Variants in MCTP2 observed in about 807,000 individuals in gnomAD.
MCTP2 encodes multiple C2 and transmembrane domain containing 2, also known as multiple C2 and transmembrane domain-containing protein 2.
A neutral mutation model predicts 111.6 loss-of-function variants in MCTP2; 132 were observed. That is an observed-to-expected ratio of 1.18 (90% confidence interval 1.03 to 1.37). The LOEUF is 1.37. Among genes scored for constraint, MCTP2 ranks in the 40% most tolerant of loss-of-function variants. The pLI is 0.00. For synonymous variants in MCTP2, 395 were observed against 387.7 expected, an observed-to-expected ratio of 1.02 and a Z score of -0.22; for missense variants, 1,183 against 1,067.9, an observed-to-expected ratio of 1.11 and a Z score of -1.50.
chr15:94,361,089 T>TG lies in MCTP2; in HGVS notation c.1301+2477_1301+2478insG, dbSNP rs1261371319. 2.9e-4 allele frequency among the ~76,000 whole-genome samples: 30 copies of TG among 104,048 alleles called. 1 individual carries two copies. The highest frequency in any genetic ancestry group is 1.4e-3 in the African/African-American group (30 of 22,136). 68.3% of individuals were successfully genotyped at this position (104,048 alleles called of 152,430 possible). ...CTATTGTTTAAATATTTCAAGTTTT[T>TG]TTTTTTTTTTTTTTTTTTTTTTTTT... On this transcript the variant is annotated intron_variant, in intron 10 of 22. Coordinates refer to ENST00000357742, the MANE Select transcript of MCTP2 (RefSeq NM_001385001.1).
At chr15:94,423,541 GTTAT>G (rs995245554) in intron 17 of MCTP2, among the ~76,000 whole-genome samples, 4 of 152,096 alleles carry the variant, frequency 2.6e-5, no homozygotes, top group African/African-American at 9.7e-5. Context: ...ATTTTATGTC[GTTAT>G]TTAAAAAGAA....
At chr15:94,277,397 A>G (rs1372291576) in intron 1 of MCTP2, among the ~76,000 whole-genome samples, 1 of 152,228 alleles carries the variant, frequency 6.6e-6, no homozygotes, top group Non-Finnish European at 1.5e-5. Context: ...AGCTTTATTT[A>G]TAATTGTCAG....
intron 14 of MCTP2, among the ~76,000 whole-genome samples, chr15:94,396,018 T>G (rs1193648210): frequency 6.6e-6 from 1 of 152,220 alleles, no homozygotes; most frequent in Non-Finnish European, 1.5e-5. Flanking sequence ...CTGTCCTGCA[T>G]AGATGGTTTC....
At chr15:94,322,520 C>G (rs1324608013) in intron 4 of MCTP2, among the ~76,000 whole-genome samples, 2 of 152,156 alleles carry the variant, frequency 1.3e-5, no homozygotes, top group Non-Finnish European at 2.9e-5. Flanking sequence ...ATGAACATAG[C>G]TGTTTTCCAA....
At chr15:94,432,534 T>A (rs2083250399) in intron 17 of MCTP2, among the ~76,000 whole-genome samples, 2 of 152,176 alleles carry the variant, frequency 1.3e-5, no homozygotes, top group African/African-American at 2.4e-5. Context: ...CATGCCTAGC[T>A]ATTTACAAAA....
chr15:94,234,056 G>A (rs960263472), intron 1 of MCTP2, among the ~76,000 whole-genome samples: 1 of 152,096 alleles, frequency 6.6e-6, no homozygotes, highest in African/African-American at 2.4e-5. Context: ...ATCTTCACGT[G>A]GAGGTGAAAC....
chr15:94,262,896 C>T (rs552483018), intron 1 of MCTP2, among the ~76,000 whole-genome samples: 1 of 152,164 alleles, frequency 6.6e-6, no homozygotes, highest in Non-Finnish European at 1.5e-5. Context: ...GTCTCGAACT[C>T]CTGGCCTCCT....
intron 15 of MCTP2, 36 bp downstream of exon 15, chr15:94,399,098 G>A (rs370904150): frequency 8.2e-5 from 90 of 1,095,398 alleles, no homozygotes; most frequent in African/African-American, 1.6e-4. Context: ...CGGCTTTCCC[G>A]TACCTAAAAT....
At chr15:94,305,796 A>T (rs1567375249) in intron 2 of MCTP2, among the ~76,000 whole-genome samples, 1 of 152,182 alleles carries the variant, frequency 6.6e-6, no homozygotes, top group Admixed American at 6.5e-5. Flanking sequence ...TAAAGAAAGG[A>T]GTTTCTAAGC....
Position 94,483,699 on chromosome 15 carries a change from T to G in MCTP2, c.*4665T>G, listed in dbSNP as rs2074838471. On this transcript the variant is annotated 3_prime_UTR_variant, in exon 23 of 23. Coordinates refer to ENST00000357742, the MANE Select transcript of MCTP2 (RefSeq NM_001385001.1). ...GAAGGGAACAAAATACACTGGGGGC[T>G]ATTGGAGGGTGAAGGGTGAAAGGAG... The G allele has an allele frequency of 6.6e-6, 1 of 152,110 alleles. No homozygotes were observed. The allele number at this position is 152,110 out of a possible 1,614,324, so 9.4% of individuals were successfully genotyped here. A position where few individuals can be genotyped will look rare whatever the true frequency, so the allele number is the denominator to read the frequency against.
At chr15:94,257,103 G>A (rs1192667606) in intron 1 of MCTP2, among the ~76,000 whole-genome samples, 1 of 152,126 alleles carries the variant, frequency 6.6e-6, no homozygotes, top group African/African-American at 2.4e-5. Context: ...CCTCTTTGCT[G>A]TTAGAAGCAA....
chr15:94,386,823 A>AAAAC, intron 14 of MCTP2, among the ~76,000 whole-genome samples: 1 of 152,192 alleles, frequency 6.6e-6, no homozygotes, highest in East Asian at 1.9e-4. Flanking sequence ...AAAACAAAAC[A>AAAAC]AAACAACTCC....
At chr15:94,242,934 CGTGTAT>C (rs2071092816) in intron 1 of MCTP2, among the ~76,000 whole-genome samples, 1 of 138,278 alleles carries the variant, frequency 7.2e-6, no homozygotes, top group South Asian at 2.3e-4. Context: ...CACATATACA[CGTGTAT>C]ATGTAGATAC....
chr15:94,420,012 G>T (rs1181051410), intron 17 of MCTP2, among the ~76,000 whole-genome samples: 5 of 152,086 alleles, frequency 3.3e-5, no homozygotes, highest in Admixed American at 3.3e-4. Context: ...CTTGTTAGGG[G>T]TTAATGCAGC....
At chr15:94,471,950 G>T (rs149523847) in intron 21 of MCTP2, among the ~76,000 whole-genome samples, 1 of 152,088 alleles carries the variant, frequency 6.6e-6, no homozygotes, top group Non-Finnish European at 1.5e-5. Context: ...CAATCATTTG[G>T]CTAGTGGTTT....
chr15:94,276,020 A>AT (rs1447721350), intron 1 of MCTP2, among the ~76,000 whole-genome samples: 9 of 151,784 alleles, frequency 5.9e-5, no homozygotes, highest in Non-Finnish European at 1.3e-4. Context: ...TAATTTTTGT[A>AT]TTTTTAGTAG....
At chr15:94,368,526 A>G (rs1351741025) in intron 11 of MCTP2, among the ~76,000 whole-genome samples, 2 of 152,194 alleles carry the variant, frequency 1.3e-5, no homozygotes, top group Admixed American at 6.5e-5. Context: ...TCCCTATTCA[A>G]TGGCACTATC....
At position 94,482,800 on chromosome 15, in the gene MCTP2, A is replaced by G. The variant is rs1465311565; in HGVS notation, c.*3766A>G. On this transcript the variant is annotated 3_prime_UTR_variant, in exon 23 of 23. Transcript: ENST00000357742. The stretch of plus-strand genomic sequence containing the variant: ...AAATAGAAACGGGTAAATACAGAGG[A>G]GAAAAACAGTAAGCATGGACTGTCC... 1 of 152,248 alleles carries G rather than the reference A, an allele frequency of 6.6e-6. No individual in the cohort carries two copies. The highest frequency in any genetic ancestry group is 2.4e-5 in the African/African-American group (1 of 41,452). 9.4% of individuals were successfully genotyped at this position (152,248 alleles called of 1,614,324 possible).
At chr15:94,386,599 G>A (rs1308795644) in intron 14 of MCTP2, among the ~76,000 whole-genome samples, 1 of 152,156 alleles carries the variant, frequency 6.6e-6, no homozygotes, top group Admixed American at 6.5e-5. Context: ...GGCACCAGCC[G>A]AGCAGCTCTC....
Sources: allele counts gnomAD v4.1 joint callset (sites outside exome capture counted in the v4.1 genomes callset), GRCh38; gene constraint gnomAD v4.1.1; transcripts MANE v1.5; gene names NCBI Gene and HGNC (gene_info 2026-07-23, HGNC 2026-07-21).